The following TENM3 variants were observed in gnomAD, a reference collection of about 807,000 sequenced individuals.
TENM3 encodes teneurin transmembrane protein 3, also known as teneurin-3.
Under a neutral mutation model 255.1 loss-of-function variants are expected in TENM3, and 63 were observed. That is an observed-to-expected ratio of 0.25 (90% CI 0.20 to 0.30). The LOEUF is 0.30. Ranked by LOEUF, TENM3 falls within the 10% of genes least tolerant of loss-of-function variation. The pLI is 1.00. For missense variants in TENM3, 2,929 were observed against 3,461.1 expected, an observed-to-expected ratio of 0.85 and a Z score of 3.86; for synonymous variants, 1,306 against 1,322.3, an observed-to-expected ratio of 0.99 and a Z score of 0.27.
At chr4:182,114,661 C>T in the TENM3 span, among the ~76,000 whole-genome samples, 1 of 151,984 alleles carries the variant, frequency 6.6e-6, no homozygotes, top group Non-Finnish European at 1.5e-5. Flanking sequence ...ATTACATGAG[C>T]CTGTGTTTTC....
the TENM3 span, among the ~76,000 whole-genome samples, chr4:181,572,377 G>A: frequency 6.6e-6 from 1 of 152,034 alleles, no homozygotes; most frequent in African/African-American, 2.4e-5. Flanking sequence ...AAAATAAGAA[G>A]ATATATAAAA....
the TENM3 span, among the ~76,000 whole-genome samples, chr4:181,549,526 C>T: frequency 6.6e-6 from 1 of 152,218 alleles, no homozygotes; most frequent in African/African-American, 2.4e-5. Context: ...GTGCTCAGCC[C>T]TTCCAGGCAT....
the TENM3 span, among the ~76,000 whole-genome samples, chr4:181,800,660 G>A: frequency 6.6e-6 from 1 of 152,100 alleles, no homozygotes; most frequent in Admixed American, 6.6e-5. Flanking sequence ...CCTATAGAGG[G>A]AACAGTTCAG....
chr4:181,885,979 G>A, the TENM3 span, among the ~76,000 whole-genome samples: 1 of 151,180 alleles, frequency 6.6e-6, no homozygotes, highest in Non-Finnish European at 1.5e-5. Flanking sequence ...TCAATAGGTA[G>A]ATCAACCTGC....
At chr4:182,523,765 A>G (rs527742464) in intron 3 of TENM3, among the ~76,000 whole-genome samples, 1 of 152,248 alleles carries the variant, frequency 6.6e-6, no homozygotes, top group Admixed American at 6.5e-5. Flanking sequence ...CTTACAGCAT[A>G]CCTGGATTGG....
At chr4:181,702,680 A>C in the TENM3 span, among the ~76,000 whole-genome samples, 1 of 152,222 alleles carries the variant, frequency 6.6e-6, no homozygotes, top group Admixed American at 6.5e-5. Context: ...ATAATACATA[A>C]TGTAAACATA....
the TENM3 span, among the ~76,000 whole-genome samples, chr4:181,734,655 AG>A: frequency 6.6e-6 from 1 of 152,190 alleles, no homozygotes; most frequent in African/African-American, 2.4e-5. Context: ...TCCAAAGCAC[AG>A]GAAAAAAGGA....
the TENM3 span, among the ~76,000 whole-genome samples, chr4:181,635,655 G>A: frequency 6.6e-6 from 1 of 152,194 alleles, no homozygotes; most frequent in Non-Finnish European, 1.5e-5. Context: ...GGGTGGAGTG[G>A]AGAGGAACAG....
chr4:182,757,034 C>T (rs1426223824), intron 22 of TENM3, among the ~76,000 whole-genome samples: 3 of 151,946 alleles, frequency 2.0e-5, no homozygotes, highest in Non-Finnish European at 4.4e-5. Context: ...TTCAGGAGGC[C>T]GGGCGCGGTG....
At chr4:182,759,894 C>T (rs1763009394) in intron 22 of TENM3, among the ~76,000 whole-genome samples, 1 of 152,074 alleles carries the variant, frequency 6.6e-6, no homozygotes, top group South Asian at 2.1e-4. Context: ...TTATTATGTC[C>T]CTATTGTGAT....
At chr4:182,448,525 GGA>G (rs1773127729) in intron 3 of TENM3, among the ~76,000 whole-genome samples, 1 of 152,210 alleles carries the variant, frequency 6.6e-6, no homozygotes, top group Non-Finnish European at 1.5e-5. Flanking sequence ...GCAGGGGTCG[GGA>G]TCCGTTCATG....
At chr4:181,490,411 A>G in the TENM3 span, among the ~76,000 whole-genome samples, 1 of 152,200 alleles carries the variant, frequency 6.6e-6, no homozygotes, top group South Asian at 2.1e-4. Flanking sequence ...CATCCAGTCA[A>G]TAACGTATCT....
the TENM3 span, among the ~76,000 whole-genome samples, chr4:181,700,853 G>C: frequency 5.3e-5 from 8 of 152,308 alleles, no homozygotes; most frequent in Non-Finnish European, 1.0e-4. Flanking sequence ...ACTAGAAAAG[G>C]AGAATATTGA....
chr4:182,619,987 A>G (rs1561012908), intron 4 of TENM3, among the ~76,000 whole-genome samples: 2 of 152,210 alleles, frequency 1.3e-5, no homozygotes, highest in African/African-American at 2.4e-5. Context: ...ATTCCCAAAT[A>G]TGGTCTGAGA....
At chr4:182,330,413 T>C (rs1763670026) in intron 2 of TENM3, among the ~76,000 whole-genome samples, 2 of 152,162 alleles carry the variant, frequency 1.3e-5, no homozygotes, top group Admixed American at 1.3e-4. Flanking sequence ...TGTGTCCTTG[T>C]GTCTTCAGAG....
At chr4:182,504,387 G>A (rs1296168572) in intron 3 of TENM3, among the ~76,000 whole-genome samples, 2 of 152,158 alleles carry the variant, frequency 1.3e-5, no homozygotes, top group African/African-American at 4.8e-5. Context: ...TTGATTTAAT[G>A]TGCTGGCTTT....
the TENM3 span, among the ~76,000 whole-genome samples, chr4:181,992,450 A>G: frequency 6.6e-6 from 1 of 152,192 alleles, no homozygotes; most frequent in Non-Finnish European, 1.5e-5. Context: ...TCCGATAACT[A>G]GTGGCACTAG....
chr4:182,553,900 T>A (rs1742327092), intron 3 of TENM3, among the ~76,000 whole-genome samples: 1 of 152,192 alleles, frequency 6.6e-6, no homozygotes, highest in African/African-American at 2.4e-5. Context: ...TAACTCAATC[T>A]TTTCTCTCTG....
chr4:182,017,971 A>G, the TENM3 span, among the ~76,000 whole-genome samples: 1 of 152,246 alleles, frequency 6.6e-6, no homozygotes, highest in Admixed American at 6.5e-5. Context: ...TATTATATGC[A>G]ATGATAATGC....
Sources: gnomAD v4.1 joint callset for allele counts (sites outside exome capture counted in the v4.1 genomes callset) on GRCh38, gnomAD v4.1.1 for gene constraint, MANE v1.5 for transcripts, NCBI Gene and HGNC (gene_info 2026-07-23, HGNC 2026-07-21) for gene names.